Variants in ZNF385B observed in about 807,000 individuals in gnomAD.
ZNF385B encodes the protein zinc finger protein 533.
Under a neutral mutation model 39.2 loss-of-function variants are expected in ZNF385B, and 23 were observed. That is an observed-to-expected ratio of 0.59 (90% CI 0.42 to 0.83). The LOEUF is 0.83. ZNF385B is among the 40% of genes least tolerant of loss of function. The pLI, the probability that ZNF385B is intolerant of heterozygous loss-of-function variation, is 0.00. For missense variants in ZNF385B, 552 were observed against 598.9 expected, an observed-to-expected ratio of 0.92 and a Z score of 0.82; for synonymous variants, 205 against 222.6, an observed-to-expected ratio of 0.92 and a Z score of 0.70.
intron 1 of ZNF385B, among the ~76,000 whole-genome samples, chr2:179,836,515 T>TC (rs1302766380): frequency 7.2e-6 from 1 of 138,114 alleles, no homozygotes; most frequent in East Asian, 2.0e-4. Flanking sequence ...TGCGTTTTCT[T>TC]TTTTTTTTTT....
intron 3 of ZNF385B, among the ~76,000 whole-genome samples, chr2:179,587,265 CATAAA>C (rs1157868236): frequency 6.6e-6 from 1 of 152,046 alleles, no homozygotes; most frequent in Non-Finnish European, 1.5e-5. Flanking sequence ...CTAAATATTT[CATAAA>C]ATAACCTATA....
chr2:179,583,871 C>T (rs1686803129), intron 3 of ZNF385B: 2 of 1,288,262 alleles, frequency 1.6e-6, no homozygotes, highest in South Asian at 2.6e-5. Context: ...GATCTTACTG[C>T]CCTCAGTCCA....
At chr2:179,619,772 A>G (rs941620567) in intron 3 of ZNF385B, among the ~76,000 whole-genome samples, 1 of 152,226 alleles carries the variant, frequency 6.6e-6, no homozygotes, top group African/African-American at 2.4e-5. Context: ...TCTGAAGACC[A>G]TTATTTCCAA....
intron 5 of ZNF385B, among the ~76,000 whole-genome samples, chr2:179,508,881 G>T (rs2105765420): frequency 1.3e-5 from 2 of 151,930 alleles, no homozygotes; most frequent in South Asian, 4.2e-4. Context: ...ATTGAATGAT[G>T]TGTATTGTAT....
At chr2:179,650,782 A>C (rs551401837) in intron 3 of ZNF385B, among the ~76,000 whole-genome samples, 134 of 152,334 alleles carry the variant, frequency 8.8e-4, no homozygotes, top group African/African-American at 2.9e-3. Flanking sequence ...GTGTTTATCT[A>C]TACAACATTA....
intron 3 of ZNF385B, among the ~76,000 whole-genome samples, chr2:179,763,787 T>C (rs974357943): frequency 6.6e-6 from 1 of 152,220 alleles, no homozygotes; most frequent in African/African-American, 2.4e-5. Flanking sequence ...GTTGTTTTTC[T>C]ACTACTAATT....
intron 3 of ZNF385B, among the ~76,000 whole-genome samples, chr2:179,763,895 C>T (rs1703542291): frequency 6.6e-6 from 1 of 152,018 alleles, no homozygotes; most frequent in Admixed American, 6.5e-5. Flanking sequence ...TATGGTCTAC[C>T]TTTGTGAATA....
At chr2:179,710,911 T>C (rs1699954584) in intron 3 of ZNF385B, among the ~76,000 whole-genome samples, 2 of 152,352 alleles carry the variant, frequency 1.3e-5, no homozygotes, top group African/African-American at 4.8e-5. Flanking sequence ...GACCCTCATC[T>C]ATTTCCCTTT....
intron 3 of ZNF385B, among the ~76,000 whole-genome samples, chr2:179,635,984 G>A (rs2367891): frequency 0.26 from 39,817 of 151,882 alleles, 5,443 homozygotes; most frequent in Admixed American, 0.32. Context: ...TATAAAATAT[G>A]TAAATTCTAT....
intron 3 of ZNF385B, among the ~76,000 whole-genome samples, chr2:179,689,826 T>TGTGTGTGTGTGTG (rs1491484227): frequency 1.7e-4 from 8 of 46,730 alleles, no homozygotes; most frequent in African/African-American, 7.6e-4. Context: ...TGTGTGTGTG[T>TGTGTGTGTGTGTG]TTATTTGTTT....
chr2:179,629,496 C>G (rs934407261), intron 3 of ZNF385B, among the ~76,000 whole-genome samples: 6 of 152,160 alleles, frequency 3.9e-5, no homozygotes, highest in Admixed American at 3.9e-4. Context: ...TTTCAGAGAC[C>G]TGAAGTCTAA....
At chr2:179,808,689 C>A (rs1706547581) in intron 1 of ZNF385B, among the ~76,000 whole-genome samples, 1 of 152,092 alleles carries the variant, frequency 6.6e-6, no homozygotes, top group South Asian at 2.1e-4. Flanking sequence ...CATCGAAGAC[C>A]TTTTTTGAGA....
At position 179,807,388 on chromosome 2, in the gene ZNF385B, A is replaced by C. The variant is rs544899632; in HGVS notation, c.-154-36716T>G. 9.2e-4 allele frequency among the ~76,000 whole-genome samples: 140 copies of C among 151,580 alleles called. 2 individuals carry two copies. The highest frequency in any genetic ancestry group is 1.7e-3 in the Non-Finnish European group (116 of 67,888). ...CGAGGTGGGCAGATCACCTGAGGTCAAGAGTTCGAGACCAGCCTGGCCAAC... is the reference window on the plus strand; with the variant it reads ...CGAGGTGGGCAGATCACCTGAGGTCCAGAGTTCGAGACCAGCCTGGCCAAC... On this transcript the variant is annotated intron_variant, in intron 1 of 9. Coordinates refer to ENST00000410066, the MANE Select transcript of ZNF385B (RefSeq NM_152520.6).
intron 1 of ZNF385B, among the ~76,000 whole-genome samples, chr2:179,789,970 GA>G (rs1705229782): frequency 6.6e-6 from 1 of 151,834 alleles, no homozygotes; most frequent in African/African-American, 2.4e-5. Flanking sequence ...TTAGAAAAAA[GA>G]AAAAAAGATC....
chr2:179,499,281 T>C (rs766369335), intron 5 of ZNF385B, among the ~76,000 whole-genome samples: 11 of 151,922 alleles, frequency 7.2e-5, no homozygotes, highest in Non-Finnish European at 1.2e-4. Context: ...ATTCCAAAAA[T>C]AGAAGAGGAG....
intron 3 of ZNF385B, chr2:179,660,152 GAGGTACATTA>G (rs1189878942): frequency 6.6e-6 from 1 of 152,544 alleles, no homozygotes; most frequent in Non-Finnish European, 1.5e-5. Context: ...CAGGAGCTGA[GAGGTACATTA>G]ACCTGCCACC....
chr2:179,759,213 G>T (rs62180378), intron 3 of ZNF385B, among the ~76,000 whole-genome samples: 15,722 of 152,202 alleles, frequency 0.1, 1,000 homozygotes, highest in Non-Finnish European at 0.14. Flanking sequence ...AATATGGTCA[G>T]TTTTATCTGG....
chr2:179,587,569 C>A (rs971838378), intron 3 of ZNF385B, among the ~76,000 whole-genome samples: 3 of 152,254 alleles, frequency 2.0e-5, no homozygotes, highest in Middle Eastern at 3.4e-3. Flanking sequence ...TTAAAGAGCC[C>A]ATTAAAACAC....
At chr2:179,673,955 T>C (rs1400025989) in intron 3 of ZNF385B, among the ~76,000 whole-genome samples, 4 of 152,198 alleles carry the variant, frequency 2.6e-5, no homozygotes, top group Non-Finnish European at 4.4e-5. Flanking sequence ...AAATGAAATG[T>C]TTGATATAAC....
Sources: gnomAD v4.1 joint callset for allele counts (sites outside exome capture counted in the v4.1 genomes callset) on GRCh38, gnomAD v4.1.1 for gene constraint, MANE v1.5 for transcripts, NCBI Gene and HGNC (gene_info 2026-07-23, HGNC 2026-07-21) for gene names.